Variants in ZNF280D observed in about 807,000 individuals in gnomAD.
ZNF280D encodes the protein zinc finger protein 280D.
ZNF280D carries 39 observed loss-of-function variants against 94.7 expected under a neutral mutation model. The observed-to-expected ratio is 0.41, with a 90% CI of 0.32 to 0.54. The LOEUF is 0.54. Among genes scored for constraint, ZNF280D ranks in the 20% least tolerant of loss-of-function variants. The pLI, the probability that ZNF280D is intolerant of heterozygous loss-of-function variation, is 0.22. For synonymous variants in ZNF280D, 398 were observed against 377.6 expected (o/e 1.05, Z -0.63); for missense variants, 1,090 against 1,149.3 (o/e 0.95, Z 0.75).
At chr15:56,681,605 T>C (rs565851355) in intron 10 of ZNF280D, among the ~76,000 whole-genome samples, 67 of 152,280 alleles carry the variant, frequency 4.4e-4, no homozygotes, top group African/African-American at 1.6e-3. Flanking sequence ...CAATTTCTTA[T>C]TACTTTTCTC....
chr15:56,655,458 C>T (rs2053488635), intron 17 of ZNF280D, among the ~76,000 whole-genome samples: 1 of 152,168 alleles, frequency 6.6e-6, no homozygotes. Flanking sequence ...AGCCCCACCT[C>T]GGCCTCCCAG....
intron 19 of ZNF280D, among the ~76,000 whole-genome samples, chr15:56,650,179 T>G (rs1003431071): frequency 6.6e-6 from 1 of 152,054 alleles, no homozygotes; most frequent in East Asian, 1.9e-4. Flanking sequence ...ACACAGAATC[T>G]TGCACACATA....
intron 16 of ZNF280D, among the ~76,000 whole-genome samples, chr15:56,664,281 T>C (rs1393688289): frequency 6.6e-6 from 1 of 152,218 alleles, no homozygotes; most frequent in Non-Finnish European, 1.5e-5. Context: ...AAACACTTTT[T>C]ACAAATGTTA....
At chr15:56,716,044 A>G (rs1376443747) in intron 1 of ZNF280D, among the ~76,000 whole-genome samples, 1 of 152,164 alleles carries the variant, frequency 6.6e-6, no homozygotes, top group Non-Finnish European at 1.5e-5. Flanking sequence ...TCCAAGTACT[A>G]CACCATGTTA....
chr15:56,632,024 A>T lies in ZNF280D; in HGVS notation c.2414T>A (p.Val805Asp), dbSNP rs777254008. The change falls in exon 22 of 22, where the codon GTT (valine) becomes GAT (aspartate). Residue 805 changes from valine (V) to aspartate (D), a missense_variant. Transcript: ENST00000267807. ...ACAGGTTTCATTTTCCTTATCTGAAACTGTTATGCTTTCTTCACTTTTTGT... is the reference window on the plus strand; with the variant it reads ...ACAGGTTTCATTTTCCTTATCTGAATCTGTTATGCTTTCTTCACTTTTTGT... Reference protein sequence around the residue: ...STTKSEESITVSDKENETCLA... With the variant: ...STTKSEESITDSDKENETCLA... 6.2e-7 allele frequency: 1 copy of T among 1,613,892 alleles called. No individual in the cohort carries two copies. Among genetic ancestry groups the T allele is most frequent in the Non-Finnish European group, 8.5e-7 (1 of 1,179,964 alleles).
At chr15:56,697,647 G>C (rs558362966) in intron 6 of ZNF280D, 1 of 152,028 alleles carries the variant, frequency 6.6e-6, no homozygotes, top group African/African-American at 2.4e-5. Flanking sequence ...TAACTCTTTG[G>C]CTTCAGAATC....
intron 1 of ZNF280D, among the ~76,000 whole-genome samples, chr15:56,724,529 G>A (rs1279524886): frequency 6.6e-6 from 1 of 152,212 alleles, no homozygotes; most frequent in Non-Finnish European, 1.5e-5. Context: ...AAGGCTGACG[G>A]TGAAGTGAGG....
intron 19 of ZNF280D, among the ~76,000 whole-genome samples, chr15:56,646,696 T>A (rs1009454774): frequency 6.6e-6 from 1 of 152,194 alleles, no homozygotes; most frequent in Non-Finnish European, 1.5e-5. Flanking sequence ...CTGTCTCTCC[T>A]CTCAAGGAGT....
chr15:56,671,547 GT>G (rs577868391), intron 13 of ZNF280D, among the ~76,000 whole-genome samples: 70 of 152,204 alleles, frequency 4.6e-4, no homozygotes, highest in African/African-American at 1.6e-3. Context: ...ATCTGTTCTT[GT>G]TCCAGTACCA....
At position 56,658,412 on chromosome 15, in the gene ZNF280D, T is replaced by A; in HGVS notation, c.2057+12A>T. The A allele has an allele frequency of 6.3e-7, 1 of 1,580,128 alleles. No homozygotes were observed. Among genetic ancestry groups the A allele is most frequent in the Non-Finnish European group, 8.6e-7 (1 of 1,167,584 alleles). On this transcript the variant is annotated intron_variant, in intron 17 of 21. Transcript: ENST00000267807. ...TTTCAATAGAAAGAGTAAAAAAAGA[T>A]CAACTAGTTACCGGAGATTTTCTGA...
chr15:56,669,059 T>C (rs770308191), intron 13 of ZNF280D, 102 bp from the exon 14 acceptor site: 9 of 1,131,252 alleles, frequency 8.0e-6, no homozygotes, highest in African/African-American at 1.6e-5. Flanking sequence ...CTAAATAATG[T>C]AAAAACTTGC....
At chr15:56,704,336 T>C (rs1293109311) in intron 3 of ZNF280D, 69 bp from the exon 4 acceptor site, 32 of 1,407,426 alleles carry the variant, frequency 2.3e-5, no homozygotes, top group Non-Finnish European at 3.1e-5. Context: ...TTGTAATACA[T>C]AGCATTAATT....
At chr15:56,696,951 A>T (rs916918893) in intron 6 of ZNF280D, among the ~76,000 whole-genome samples, 1 of 152,218 alleles carries the variant, frequency 6.6e-6, no homozygotes, top group Non-Finnish European at 1.5e-5. Context: ...AACTCTTATA[A>T]CACCAAACGT....
Position 56,701,173 on chromosome 15 carries a change from C to G in ZNF280D, c.241G>C (p.Gly81Arg). ...TTAAAATAGTATAATAATACTGTAC[C>G]TCGACTGAGTGCACCATTCTTTAGT... ...RGLKNGALSR[G>R]ITAAFKPTSQ... The change falls in exon 5 of 22, where the codon GGT (glycine) becomes CGT (arginine). Residue 81 changes from glycine to arginine, a missense_variant and splice_region_variant. Around this residue, in one of 3 missense-constraint regions of ZNF280D, gnomAD observed 386 missense variants for 372.0 expected, o/e 1.04. Transcript: ENST00000267807. 1 of 1,595,252 alleles carries G rather than the reference C, an allele frequency of 6.3e-7. No individual in the cohort carries two copies. The highest frequency in any genetic ancestry group is 8.5e-7 in the Non-Finnish European group (1 of 1,170,260).
chr15:56,642,875 G>T, intron 20 of ZNF280D, 77 bp downstream of exon 20: 1 of 1,123,990 alleles, frequency 8.9e-7, no homozygotes. Context: ...TGCTGAAATT[G>T]AAAAAAAATT....
intron 19 of ZNF280D, among the ~76,000 whole-genome samples, chr15:56,648,354 C>T (rs752310147): frequency 6.6e-6 from 1 of 152,040 alleles, no homozygotes; most frequent in Non-Finnish European, 1.5e-5. Context: ...GGACAGTAAA[C>T]TGGTATGCTA....
chr15:56,649,285 G>C (rs1343962057), intron 19 of ZNF280D, among the ~76,000 whole-genome samples: 1 of 152,070 alleles, frequency 6.6e-6, no homozygotes, highest in Non-Finnish European at 1.5e-5. Flanking sequence ...AGAATCACTG[G>C]TAGAGATTGG....
At chr15:56,689,714 A>G (rs2056305311) in intron 7 of ZNF280D, among the ~76,000 whole-genome samples, 1 of 152,100 alleles carries the variant, frequency 6.6e-6, no homozygotes, top group African/African-American at 2.4e-5. Context: ...AATTCTAAAT[A>G]TGGCTTCAAA....
At chr15:56,653,419 T>C in intron 19 of ZNF280D, 2 of 1,397,380 alleles carry the variant, frequency 1.4e-6, no homozygotes, top group Non-Finnish European at 1.9e-6. Context: ...AGGCCAGCCA[T>C]GTAGAAAGGG....
Sources: gnomAD v4.1 joint callset for allele counts (sites outside exome capture counted in the v4.1 genomes callset) on GRCh38, gnomAD v4.1.1 for gene constraint, gnomAD v4.1.1 regional missense constraint, MANE v1.5 for transcripts, NCBI Gene and HGNC (gene_info 2026-07-23, HGNC 2026-07-21) for gene names.